CNKSR3: variants seen among roughly 807,000 people sequenced by gnomAD.
CNKSR3 encodes the protein connector enhancer of kinase suppressor of ras 3.
CNKSR3 carries 36 observed loss-of-function variants against 67.7 expected under a neutral mutation model. The observed-to-expected ratio is 0.53, with a 90% CI of 0.41 to 0.70. The LOEUF (loss-of-function observed/expected upper bound fraction) is 0.70. CNKSR3 is among the 30% of genes least tolerant of loss of function. CNKSR3 has a pLI of 0.00. For synonymous variants in CNKSR3, 281 were observed against 271.4 expected (o/e 1.04, Z -0.35); for missense variants, 630 against 695.2 (o/e 0.91, Z 1.05).
chr6:154,500,452 G>A (rs1652008640), intron 1 of CNKSR3, among the ~76,000 whole-genome samples: 1 of 152,128 alleles, frequency 6.6e-6, no homozygotes, highest in African/African-American at 2.4e-5. Flanking sequence ...GTTTTCCTCT[G>A]ATGGAGCTGA....
At chr6:154,454,904 G>A (rs1427796148) in intron 1 of CNKSR3, among the ~76,000 whole-genome samples, 1 of 152,050 alleles carries the variant, frequency 6.6e-6, no homozygotes, top group Non-Finnish European at 1.5e-5. Flanking sequence ...TGCTTAGATG[G>A]CTATGTTATT....
intron 1 of CNKSR3, among the ~76,000 whole-genome samples, chr6:154,509,604 G>A (rs1025572912): frequency 3.9e-5 from 6 of 152,264 alleles, no homozygotes; most frequent in Admixed American, 1.3e-4. Flanking sequence ...CTACCTGTCC[G>A]ACAGCCCTGT....
rs564736309 is a variant in CNKSR3, at chr6:154,403,611, T to C, written c.*2743A>G. ...AGTAGAGGTTTACAAAGGTTTTTTTTTTTTAGCAGCAATATATTTTTCAAA... is the reference window on the plus strand; with the variant it reads ...AGTAGAGGTTTACAAAGGTTTTTTTCTTTTAGCAGCAATATATTTTTCAAA... On this transcript the variant is annotated 3_prime_UTR_variant, in exon 13 of 13. Coordinates refer to ENST00000607772, the MANE Select transcript of CNKSR3 (RefSeq NM_173515.4). The C allele has an allele frequency of 1.3e-4, 20 of 152,010 alleles. No individual in the cohort carries two copies. The highest frequency in any genetic ancestry group is 2.9e-4 in the Non-Finnish European group (20 of 68,016). The allele number at this position is 152,010 out of a possible 1,614,324, so 9.4% of individuals were successfully genotyped here.
chr6:154,464,964 A>T (rs145160741), intron 1 of CNKSR3, among the ~76,000 whole-genome samples: 3,232 of 151,162 alleles, frequency 0.021, 56 homozygotes, highest in Non-Finnish European at 0.031. Flanking sequence ...ACATGGTGAA[A>T]CCCCATCTCT....
At chr6:154,439,383 G>GAA (rs1471949722) in intron 4 of CNKSR3, among the ~76,000 whole-genome samples, 1 of 152,080 alleles carries the variant, frequency 6.6e-6, no homozygotes, top group Non-Finnish European at 1.5e-5. Flanking sequence ...TGCTCAGGCA[G>GAA]AAGTTCACCC....
At chr6:154,443,276 A>G (rs1785640828) in intron 2 of CNKSR3, among the ~76,000 whole-genome samples, 1 of 152,096 alleles carries the variant, frequency 6.6e-6, no homozygotes, top group African/African-American at 2.4e-5. Flanking sequence ...TTAATCTAGA[A>G]CAAGGTTTCT....
chr6:154,430,317 T>G (rs1046915903), intron 6 of CNKSR3, among the ~76,000 whole-genome samples, 155 bp downstream of exon 6: 2 of 152,240 alleles, frequency 1.3e-5, no homozygotes, highest in African/African-American at 4.8e-5. Flanking sequence ...ATCAACAGGA[T>G]TCAAGATAGC....
chr6:154,493,029 T>C (rs1341736607), intron 1 of CNKSR3, among the ~76,000 whole-genome samples: 4 of 152,148 alleles, frequency 2.6e-5, no homozygotes, highest in Non-Finnish European at 5.9e-5. Flanking sequence ...CATTTTTAAA[T>C]GTAAATCTGA....
chr6:154,471,449 A>T (rs1786328745), intron 1 of CNKSR3, among the ~76,000 whole-genome samples: 1 of 152,168 alleles, frequency 6.6e-6, no homozygotes, highest in Admixed American at 6.5e-5. Context: ...CTGAGGCAGG[A>T]GAATTGCTTC....
intron 1 of CNKSR3, among the ~76,000 whole-genome samples, chr6:154,476,207 A>G (rs1444618069): frequency 2.0e-5 from 3 of 152,140 alleles, no homozygotes; most frequent in Non-Finnish European, 4.4e-5. Context: ...CTGTAATTCC[A>G]GCACTTTGGG....
intron 4 of CNKSR3, among the ~76,000 whole-genome samples, chr6:154,438,250 T>C (rs1785512764): frequency 6.6e-6 from 1 of 152,182 alleles, no homozygotes; most frequent in Admixed American, 6.5e-5. Flanking sequence ...TTTTTTGCCT[T>C]GGCTCCTACA....
chr6:154,463,438 G>C (rs1163168535), intron 1 of CNKSR3, among the ~76,000 whole-genome samples: 1 of 152,064 alleles, frequency 6.6e-6, no homozygotes, highest in African/African-American at 2.4e-5. Context: ...ATGGGCTGGG[G>C]GTATTCACCG....
chr6:154,508,350 A>C (rs748494256), intron 1 of CNKSR3, among the ~76,000 whole-genome samples: 2 of 152,192 alleles, frequency 1.3e-5, no homozygotes, highest in Non-Finnish European at 2.9e-5. Flanking sequence ...TTCAAATGCC[A>C]TGTGTATTTT....
chr6:154,471,561 T>C (rs1323742247), intron 1 of CNKSR3, among the ~76,000 whole-genome samples: 5 of 152,020 alleles, frequency 3.3e-5, no homozygotes, highest in South Asian at 2.1e-4. Context: ...AACATGAATA[T>C]AAATATGAAA....
rs528509952 is a variant in CNKSR3 at position 154,487,881 on chromosome 6, C to T, written c.52+22182G>A. Among the ~76,000 whole-genome samples the T allele has an allele frequency of 1.4e-4, 22 of 152,282 alleles. No homozygotes were observed. The East Asian group carries it at 4.1e-3, about 28-fold the overall frequency. On this transcript the variant is annotated intron_variant, in intron 1 of 12. Transcript: ENST00000607772. ...TTGCCAGGGCCCTAATTTGAACAAA[C>T]AGATGCCATCCTTGACCATCTCAAG...
In CNKSR3 at chr6:154,406,383, A is replaced by G. The variant is rs1562316228; in HGVS notation, c.1639T>C (p.Phe547Leu). The change falls in exon 13 of 13, where the codon TTT becomes CTT. Residue 547 changes from phenylalanine to leucine, a missense_variant. By Grantham distance (22) the Phe-to-Leu change is conservative. Transcript: ENST00000607772. ...STEPSLLVSW[F>L]TRLKLLTH Reference sequence around the variant, plus strand: ...TGAGTCAACAGTTTGAGGCGCGTAAACCAGCTGACCAGGAGGGACGGTTCT... The same window carrying G: ...TGAGTCAACAGTTTGAGGCGCGTAAGCCAGCTGACCAGGAGGGACGGTTCT... 18 of 1,613,864 alleles carry G rather than the reference A, an allele frequency of 1.1e-5. No homozygotes were observed. The highest frequency in any genetic ancestry group is 1.4e-5 in the Non-Finnish European group (17 of 1,179,956).
chr6:154,432,232 T>C (rs1240505616), intron 5 of CNKSR3, among the ~76,000 whole-genome samples: 3 of 152,216 alleles, frequency 2.0e-5, no homozygotes, highest in African/African-American at 7.2e-5. Context: ...TCATTGTTGT[T>C]TTAATTTACA....
At chr6:154,413,083 C>T (rs1158567312) in intron 10 of CNKSR3, among the ~76,000 whole-genome samples, 2 of 151,060 alleles carry the variant, frequency 1.3e-5, no homozygotes, top group East Asian at 1.9e-4. Context: ...CTCATTATAC[C>T]ATACAGTATT....
chr6:154,406,081 G>A lies in CNKSR3; in HGVS notation c.*273C>T, dbSNP rs1369714111. On this transcript the variant is annotated 3_prime_UTR_variant, in exon 13 of 13. Transcript: ENST00000607772. Reference sequence around the variant, plus strand: ...TGGCCAGGACTGCGATTTCTAGCGCGTGTCTTCACATTCTATCTCTGGGGA... The same window carrying A: ...TGGCCAGGACTGCGATTTCTAGCGCATGTCTTCACATTCTATCTCTGGGGA... The A allele has an allele frequency of 1.7e-5, 7 of 413,752 alleles. No individual in the cohort carries two copies. Among genetic ancestry groups the A allele is most frequent in the Admixed American group, 8.0e-5 (2 of 24,906 alleles). 25.6% of individuals were successfully genotyped at this position (413,752 alleles called of 1,614,324 possible). A position where few individuals can be genotyped will look rare whatever the true frequency, so the allele number is the denominator to read the frequency against.
Sources: allele counts gnomAD v4.1 joint callset (sites outside exome capture counted in the v4.1 genomes callset), GRCh38; gene constraint gnomAD v4.1.1; transcripts MANE v1.5; gene names NCBI Gene and HGNC (gene_info 2026-07-23, HGNC 2026-07-21).